Variants in TMPRSS11E observed in about 807,000 individuals in gnomAD.
TMPRSS11E encodes transmembrane protease serine 11E.
In TMPRSS11E, 38 loss-of-function variants were observed where a neutral mutation model predicts 48.1. The observed-to-expected ratio is 0.79, with a 90% CI of 0.61 to 1.04. The LOEUF is 1.04. TMPRSS11E is among the 50% of genes least tolerant of loss of function. The pLI is 0.00. For synonymous variants in TMPRSS11E, 158 were observed against 171.9 expected (o/e 0.92, Z 0.63); for missense variants, 530 against 510.8 (o/e 1.04, Z -0.36).
At chr4:68,496,583 T>C in intron 9 of TMPRSS11E, 60 bp from the exon 10 acceptor site, 1 of 1,482,922 alleles carries the variant, frequency 6.7e-7, no homozygotes, top group Admixed American at 2.2e-5. Context: ...GTTAGAAAAA[T>C]AGCCAATTCC....
intron 5 of TMPRSS11E, among the ~76,000 whole-genome samples, chr4:68,474,002 C>G (rs1729144263): frequency 6.6e-6 from 1 of 152,048 alleles, no homozygotes; most frequent in African/African-American, 2.4e-5. Flanking sequence ...AGCATCCATC[C>G]TTCCATGTAC....
chr4:68,481,718 G>A (rs1204121598), intron 9 of TMPRSS11E, among the ~76,000 whole-genome samples: 1 of 152,176 alleles, frequency 6.6e-6, no homozygotes, highest in Admixed American at 6.5e-5. Flanking sequence ...GGGAGGCCAA[G>A]GGAGGTGGAT....
chr4:68,474,759 AT>A lies in TMPRSS11E; in HGVS notation c.529del (p.Cys177AlafsTer10). 1 of 1,598,660 alleles carries A rather than the reference AT, an allele frequency of 6.3e-7. No homozygotes were observed. The highest frequency in any genetic ancestry group is 8.5e-7 in the Non-Finnish European group (1 of 1,175,362). The stretch of plus-strand genomic sequence containing the variant: ...ACAGAAACAGACAGCTATCTAAACC[AT>A]TGTAAGTTTAATATATTTATTAAAA... ...NKTETDSYLN[H>X]CCGTRRSKTL... is the part of the protein sequence containing the mutation. On this transcript the variant is annotated frameshift_variant and splice_region_variant, in exon 6 of 10. Coordinates refer to ENST00000305363, the MANE Select transcript of TMPRSS11E (RefSeq NM_014058.4). LOFTEE classifies it high-confidence loss of function.
At chr4:68,448,410 A>T (rs1319447049) in intron 1 of TMPRSS11E, among the ~76,000 whole-genome samples, 2 of 151,982 alleles carry the variant, frequency 1.3e-5, no homozygotes, top group African/African-American at 2.4e-5. Flanking sequence ...TACGGATACT[A>T]AACATTTTGT....
chr4:68,467,254 C>T (rs1346465703), intron 3 of TMPRSS11E, among the ~76,000 whole-genome samples: 1 of 152,062 alleles, frequency 6.6e-6, no homozygotes, highest in Non-Finnish European at 1.5e-5. Flanking sequence ...AAATATTTAA[C>T]CTTCAACTAG....
chr4:68,477,734 A>G lies in TMPRSS11E; in HGVS notation c.967+106A>G, dbSNP rs200080830. On this transcript the variant is annotated intron_variant, in intron 8 of 9. Transcript: ENST00000305363. ...AATATGTTAGTTGTGTGGTCATATG[A>G]CCTGGACCAAGTCAGGCCCTAAAAG... 1.4e-4 allele frequency: 188 copies of G among 1,378,938 alleles called. 1 individual carries two copies. The East Asian group carries it at 4.1e-3, about 30-fold the overall frequency. 85.4% of individuals were successfully genotyped at this position (1,378,938 alleles called of 1,614,324 possible).
chr4:68,464,367 G>T (rs1728872835), intron 2 of TMPRSS11E, among the ~76,000 whole-genome samples: 1 of 152,162 alleles, frequency 6.6e-6, no homozygotes, highest in Non-Finnish European at 1.5e-5. Context: ...TCTGTGTATG[G>T]TTCGTGTCTG....
chr4:68,495,984 A>T (rs1729854591), intron 9 of TMPRSS11E, among the ~76,000 whole-genome samples: 1 of 152,146 alleles, frequency 6.6e-6, no homozygotes, highest in African/African-American at 2.4e-5. Flanking sequence ...CCATATAAAG[A>T]ATCAAAACTC....
intron 7 of TMPRSS11E, 33 bp downstream of exon 7, chr4:68,476,471 G>T: frequency 6.4e-7 from 1 of 1,562,866 alleles, no homozygotes; most frequent in Non-Finnish European, 8.7e-7. Context: ...GATTGGGAGT[G>T]AACAAAGTGC....
chr4:68,474,682 T>C, intron 5 of TMPRSS11E, 41 bp from the exon 6 acceptor site: 1 of 1,594,790 alleles, frequency 6.3e-7, no homozygotes, highest in Non-Finnish European at 8.6e-7. Context: ...ATAGTGTAAC[T>C]CTGATGTGCT....
At chr4:68,467,391 A>C (rs539814680) in intron 3 of TMPRSS11E, among the ~76,000 whole-genome samples, 1 of 152,248 alleles carries the variant, frequency 6.6e-6, no homozygotes, top group East Asian at 1.9e-4. Context: ...ACAAGGGCCT[A>C]AGTGGTAACT....
At chr4:68,462,576 C>T (rs186524347) in intron 2 of TMPRSS11E, among the ~76,000 whole-genome samples, 202 of 117,140 alleles carry the variant, frequency 1.7e-3, no homozygotes, top group Admixed American at 4.2e-3. Flanking sequence ...GAGAGAGACT[C>T]GGTCTCAAAA....
chr4:68,491,094 A>C (rs1400900219), intron 9 of TMPRSS11E, among the ~76,000 whole-genome samples: 2 of 151,532 alleles, frequency 1.3e-5, no homozygotes, highest in African/African-American at 4.9e-5. Context: ...TCTAGTAGGG[A>C]ATTGGGCCTT....
intron 9 of TMPRSS11E, among the ~76,000 whole-genome samples, chr4:68,485,328 G>A (rs1729522246): frequency 6.6e-6 from 1 of 151,946 alleles, no homozygotes; most frequent in East Asian, 1.9e-4. Flanking sequence ...TGTATTTTTA[G>A]TAGAGATGGG....
intron 9 of TMPRSS11E, among the ~76,000 whole-genome samples, chr4:68,491,549 A>G (rs968442673): frequency 3.3e-5 from 5 of 152,102 alleles, no homozygotes; most frequent in African/African-American, 1.2e-4. Context: ...TTTGTTTTCC[A>G]GTGTTTGGCT....
chr4:68,460,464 C>T (rs1397534028), intron 1 of TMPRSS11E, among the ~76,000 whole-genome samples: 2 of 152,156 alleles, frequency 1.3e-5, no homozygotes, highest in East Asian at 3.9e-4. Context: ...GGAAATTGAG[C>T]TCAGAGTTTA....
rs2109681096 is a variant in TMPRSS11E, at chr4:68,466,666, T to C, written c.172T>C (p.Ser58Pro). The C allele has an allele frequency of 6.2e-7, 1 of 1,613,706 alleles. No homozygotes were observed. The highest frequency in any genetic ancestry group is 1.1e-5 in the South Asian group (1 of 91,058). ...KKTYNYYSTL[S>P]FTTDKLYAEF... ...GACCTACAATTACTATAGCACATTG[T>C]CATTTACAACTGACAAACTATATGC... Residue 58 changes from serine to proline, a missense_variant, in exon 3 of 10, where the codon TCA becomes CCA. Ser to Pro is a moderately conservative substitution (Grantham distance 74). Transcript: ENST00000305363.
rs1238701252 is a variant in TMPRSS11E at position 68,447,665 on chromosome 4, A to G, written c.11+142A>G. 16 of 674,112 alleles carry G rather than the reference A, an allele frequency of 2.4e-5. 1 individual carries two copies. Among genetic ancestry groups the G allele is most frequent in the Non-Finnish European group, 3.9e-5 (16 of 408,472 alleles). 41.8% of individuals were successfully genotyped at this position (674,112 alleles called of 1,614,324 possible). A position where few individuals can be genotyped will look rare whatever the true frequency, so the allele number is the denominator to read the frequency against. ...ACATATTTTTGAGATTTTACATAAAATTATGTCAAGAAAAAGATTTCTATT... is the reference window on the plus strand; with the variant it reads ...ACATATTTTTGAGATTTTACATAAAGTTATGTCAAGAAAAAGATTTCTATT... On this transcript the variant is annotated intron_variant, in intron 1 of 9. Transcript: ENST00000305363.
chr4:68,485,490 A>G (rs1316643579), intron 9 of TMPRSS11E, among the ~76,000 whole-genome samples: 1 of 152,166 alleles, frequency 6.6e-6, no homozygotes, highest in Non-Finnish European at 1.5e-5. Flanking sequence ...TGCATCCTAG[A>G]AAATAAGACT....
Sources: gnomAD v4.1 joint callset for allele counts (sites outside exome capture counted in the v4.1 genomes callset) on GRCh38, gnomAD v4.1.1 for gene constraint, MANE v1.5 for transcripts, NCBI Gene and HGNC (gene_info 2026-07-23, HGNC 2026-07-21) for gene names.